The following VPS13B variants were observed in gnomAD, a reference collection of about 807,000 sequenced individuals.
The protein encoded by VPS13B is vacuolar protein sorting 13 homolog B, also known as intermembrane lipid transfer protein VPS13B.
Under a neutral mutation model 426.4 loss-of-function variants are expected in VPS13B, and 285 were observed. The observed-to-expected ratio is 0.67, with a 90% CI of 0.61 to 0.74. The LOEUF (loss-of-function observed/expected upper bound fraction) is 0.74. VPS13B is among the 30% of genes least tolerant of loss of function. The pLI, the probability that VPS13B is intolerant of heterozygous loss-of-function variation, is 0.00. For missense variants in VPS13B, 4,537 were observed against 4,782.6 expected (o/e 0.95, Z 1.51); for synonymous variants, 1,676 against 1,676.4 (o/e 1.00, Z 0.01).
chr8:99,223,819 G>T (rs1815866082), intron 17 of VPS13B, among the ~76,000 whole-genome samples: 2 of 152,046 alleles, frequency 1.3e-5, no homozygotes, highest in Admixed American at 6.5e-5. Flanking sequence ...GAACATTATT[G>T]TCATTCACAT....
At chr8:99,148,429 A>C (rs1484314431) in intron 14 of VPS13B, among the ~76,000 whole-genome samples, 2 of 151,978 alleles carry the variant, frequency 1.3e-5, no homozygotes, top group Non-Finnish European at 2.9e-5. Context: ...AAGTAAAAGC[A>C]ATGTAACTAT....
At chr8:99,671,419 C>T (rs1830712265) in intron 35 of VPS13B, among the ~76,000 whole-genome samples, 2 of 152,130 alleles carry the variant, frequency 1.3e-5, no homozygotes, top group African/African-American at 4.8e-5. Context: ...TTCTCCCATT[C>T]TGTAGGTTAT....
At chr8:99,474,183 A>ATTTTTT (rs34752686) in intron 24 of VPS13B, among the ~76,000 whole-genome samples, 7 of 124,966 alleles carry the variant, frequency 5.6e-5, no homozygotes, top group African/African-American at 1.6e-4. Flanking sequence ...CTGTTATCCA[A>ATTTTTT]TTTTTTTTTT....
chr8:99,598,195 A>G (rs1827111188), intron 33 of VPS13B, among the ~76,000 whole-genome samples: 1 of 152,080 alleles, frequency 6.6e-6, no homozygotes, highest in Non-Finnish European at 1.5e-5. Context: ...CTGAAAGTTC[A>G]GATCCGTTTT....
chr8:99,778,899 C>T lies in VPS13B; in HGVS notation c.7647C>T (p.Phe2549=), dbSNP rs112634620. ...MQSVVKPFSI[F]GQMAVSSDVV... is the part of the protein sequence containing the mutation. ...GTGTGGTGAAACCCTTCAGCATCTTCGGGCAGATGGCAGTTTCCAGCGATG... is the reference window on the plus strand; with the variant it reads ...GTGTGGTGAAACCCTTCAGCATCTTTGGGCAGATGGCAGTTTCCAGCGATG... The change falls in exon 42 of 62, where the codon TTC becomes TTT. Residue 2549 remains phenylalanine, a synonymous_variant. Transcript: ENST00000357162. 1.1e-4 allele frequency: 172 copies of T among 1,613,976 alleles called. No individual in the cohort carries two copies. The African/African-American group carries it at 1.8e-3, about 17-fold the overall frequency.
chr8:99,870,773 C>T lies in VPS13B; in HGVS notation c.11393-12C>T. 2 of 1,613,636 alleles carry T rather than the reference C, an allele frequency of 1.2e-6. No individual in the cohort carries two copies. The highest frequency in any genetic ancestry group is 1.7e-6 in the Non-Finnish European group (2 of 1,179,538). On this transcript the variant is annotated splice_polypyrimidine_tract_variant and intron_variant, in intron 59 of 61. Transcript: ENST00000357162. ...AACAAGTAGTAAAACTCCCTTACTT[C>T]TCTTACCACAGGTATTTTACATGGA...
chr8:99,539,318 CATTA>C (rs1229293155), intron 30 of VPS13B, among the ~76,000 whole-genome samples: 4 of 152,070 alleles, frequency 2.6e-5, no homozygotes, highest in African/African-American at 7.2e-5. Flanking sequence ...AATTCAAAAA[CATTA>C]ATATTTAATA....
At chr8:99,603,806 A>G (rs1827437120) in intron 33 of VPS13B, among the ~76,000 whole-genome samples, 1 of 152,218 alleles carries the variant, frequency 6.6e-6, no homozygotes, top group Admixed American at 6.5e-5. Flanking sequence ...GGTTTTGTTA[A>G]TAGGTATTTG....
intron 39 of VPS13B, among the ~76,000 whole-genome samples, chr8:99,741,878 A>T (rs1378629752): frequency 6.6e-6 from 1 of 152,224 alleles, no homozygotes; most frequent in African/African-American, 2.4e-5. Context: ...GGCAGGAAAG[A>T]TCTAAAATTG....
chr8:99,661,244 C>A, intron 34 of VPS13B, 110 bp from the exon 35 acceptor site: 2 of 1,355,238 alleles, frequency 1.5e-6, no homozygotes, highest in Non-Finnish European at 2.1e-6. Context: ...ATGAAGCTTG[C>A]AAACAGTTAT....
At chr8:99,809,597 TTAA>T in intron 44 of VPS13B, 67 bp downstream of exon 44, 1 of 1,594,830 alleles carries the variant, frequency 6.3e-7, no homozygotes, top group East Asian at 2.3e-5. Flanking sequence ...ATGAAAATAA[TTAA>T]TAATTTTTTT....
At chr8:99,436,110 C>T (rs1346997156) in intron 22 of VPS13B, among the ~76,000 whole-genome samples, 1 of 151,950 alleles carries the variant, frequency 6.6e-6, no homozygotes, top group Non-Finnish European at 1.5e-5. Context: ...GGAGGAGAAA[C>T]CAGAGAGTTC....
At chr8:99,685,160 A>G (rs2130020131) in intron 35 of VPS13B, among the ~76,000 whole-genome samples, 1 of 152,334 alleles carries the variant, frequency 6.6e-6, no homozygotes, top group Non-Finnish European at 1.5e-5. Context: ...GATAAACAAA[A>G]CTTCAATAAA....
chr8:99,819,450 C>T lies in VPS13B; in HGVS notation c.8660C>T (p.Ser2887Leu). 6.2e-7 allele frequency: 1 copy of T among 1,613,880 alleles called. No homozygotes were observed. Among genetic ancestry groups the T allele is most frequent in the Non-Finnish European group, 8.5e-7 (1 of 1,179,848 alleles). Residue 2887 changes from serine (S) to leucine (L), a missense_variant, in exon 48 of 62, where the codon TCA (serine) becomes TTA (leucine). Physicochemically the swap from Ser to Leu is moderately radical, Grantham distance 145. Around this residue, in one of 2 missense-constraint regions of VPS13B, gnomAD observed 4,311 missense variants for 4,474.3 expected, o/e 0.96. Transcript: ENST00000357162. ...YDPSDCAVPI[S>L]TSLIKQIATK... ...CCTTCAGATTGTGCAGTTCCCATCT[C>T]AACATCCCTCATTAAGCAAATAGCC...
intron 33 of VPS13B, among the ~76,000 whole-genome samples, chr8:99,606,163 C>T (rs1183082592): frequency 6.6e-6 from 1 of 152,042 alleles, no homozygotes; most frequent in African/African-American, 2.4e-5. Flanking sequence ...GCCTTGGCTT[C>T]CCAAAATGCT....
intron 19 of VPS13B, among the ~76,000 whole-genome samples, chr8:99,281,033 G>T (rs1462366337): frequency 6.6e-6 from 1 of 152,134 alleles, no homozygotes; most frequent in Non-Finnish European, 1.5e-5. Flanking sequence ...CTGCTTCATG[G>T]AAGACAATTT....
At chr8:99,683,108 G>A (rs1460477142) in intron 35 of VPS13B, among the ~76,000 whole-genome samples, 2 of 152,120 alleles carry the variant, frequency 1.3e-5, no homozygotes, top group Non-Finnish European at 1.5e-5. Context: ...AACACCATCT[G>A]TAAACTACCT....
At chr8:99,173,981 C>G (rs1172605954) in intron 16 of VPS13B, among the ~76,000 whole-genome samples, 5 of 152,314 alleles carry the variant, frequency 3.3e-5, no homozygotes, top group Non-Finnish European at 2.9e-5. Context: ...AGTACATTCA[C>G]ATTGTTGTGC....
At chr8:99,039,448 A>G (rs1842882036) in intron 3 of VPS13B, among the ~76,000 whole-genome samples, 1 of 152,048 alleles carries the variant, frequency 6.6e-6, no homozygotes, top group Non-Finnish European at 1.5e-5. Context: ...TTTCCAATCT[A>G]GGAAAGCAAA....
Sources: allele counts gnomAD v4.1 joint callset (sites outside exome capture counted in the v4.1 genomes callset), GRCh38; gene constraint gnomAD v4.1.1; regional missense constraint gnomAD v4.1.1; transcripts MANE v1.5; gene names NCBI Gene and HGNC (gene_info 2026-07-23, HGNC 2026-07-21).